SNTG1: variants seen among roughly 807,000 people sequenced by gnomAD.
The protein encoded by SNTG1 is syntrophin gamma 1, also known as gamma-1-syntrophin.
In SNTG1, 39 loss-of-function variants were observed where a neutral mutation model predicts 74.7. The observed-to-expected ratio is 0.52, with a 90% CI of 0.40 to 0.68. SNTG1 has a LOEUF of 0.68. Among genes scored for constraint, SNTG1 ranks in the 30% least tolerant of loss-of-function variants. SNTG1 has a pLI of 0.00. For missense variants in SNTG1, 685 were observed against 609.5 expected (o/e 1.12, Z -1.30); for synonymous variants, 254 against 217.1 (o/e 1.17, Z -1.49).
chr8:50,696,732 T>A (rs2095406606), intron 15 of SNTG1, among the ~76,000 whole-genome samples: 1 of 152,038 alleles, frequency 6.6e-6, no homozygotes, highest in South Asian at 2.1e-4. Context: ...TTTGACAAAG[T>A]TCACTTGGCT....
At chr8:50,488,816 T>C (rs1303995719) in intron 8 of SNTG1, among the ~76,000 whole-genome samples, 1 of 152,204 alleles carries the variant, frequency 6.6e-6, no homozygotes, top group Admixed American at 6.6e-5. Context: ...CTGGGATAAA[T>C]GTGCAGAACG....
intron 17 of SNTG1, among the ~76,000 whole-genome samples, chr8:50,732,641 T>G (rs2095515650): frequency 1.3e-5 from 2 of 151,920 alleles, no homozygotes. Flanking sequence ...TCAAATAATA[T>G]TAACATTTTA....
At chr8:50,233,727 G>T (rs1222020334) in intron 2 of SNTG1, among the ~76,000 whole-genome samples, 1 of 30,052 alleles carries the variant, frequency 3.3e-5, no homozygotes, top group Non-Finnish European at 2.0e-4. Context: ...CCACTAATTA[G>T]AAAATGGAAA....
chr8:50,117,880 A>T (rs1409185003), intron 1 of SNTG1, among the ~76,000 whole-genome samples: 1 of 152,058 alleles, frequency 6.6e-6, no homozygotes, highest in African/African-American at 2.4e-5. Context: ...TTTGCTTCAC[A>T]ATCTAATTAG....
At chr8:50,720,949 A>C (rs2095486306) in intron 17 of SNTG1, among the ~76,000 whole-genome samples, 1 of 152,186 alleles carries the variant, frequency 6.6e-6, no homozygotes. Context: ...TTTATATGTG[A>C]AAGTTGCTTC....
intron 1 of SNTG1, among the ~76,000 whole-genome samples, chr8:49,928,146 A>AATAG: frequency 2.0e-4 from 1 of 5,116 alleles, no homozygotes; most frequent in East Asian, 0.25. Context: ...CTCAAAAAAT[A>AATAG]ATAAATAAAT....
chr8:50,402,080 G>A (rs189976847), intron 3 of SNTG1, 130 bp from the exon 4 acceptor site: 2 of 842,708 alleles, frequency 2.4e-6, no homozygotes, highest in Admixed American at 3.4e-5. Context: ...TCAATTTCAG[G>A]CTCATCAGAG....
At chr8:50,703,621 C>T (rs912562886) in intron 15 of SNTG1, among the ~76,000 whole-genome samples, 1 of 152,026 alleles carries the variant, frequency 6.6e-6, no homozygotes, top group Non-Finnish European at 1.5e-5. Flanking sequence ...ACAGTAAATA[C>T]ATAAACCAGT....
intron 2 of SNTG1, among the ~76,000 whole-genome samples, chr8:50,267,192 T>C (rs2087525693): frequency 1.3e-5 from 2 of 152,120 alleles, no homozygotes; most frequent in African/African-American, 2.4e-5. Context: ...AAAGTTTAAA[T>C]GTATGAAGGT....
rs565561398 is a variant in SNTG1 at position 49,980,521 on chromosome 8, C to CAAAAAAAAAAA, written c.-103+68310_-103+68320dup. Among the ~76,000 whole-genome samples, 34 of 53,828 alleles carry CAAAAAAAAAAA rather than the reference C, an allele frequency of 6.3e-4. 4 individuals are homozygous for CAAAAAAAAAAA. Among genetic ancestry groups the CAAAAAAAAAAA allele is most frequent in the African/African-American group, 2.3e-3 (31 of 13,596 alleles). 35.3% of individuals were successfully genotyped at this position (53,828 alleles called of 152,430 possible). A position where few individuals can be genotyped will look rare whatever the true frequency, so the allele number is the denominator to read the frequency against. The stretch of plus-strand genomic sequence containing the variant: ...ACATCCCTTCCTGTAGACTCCTTCG[C>CAAAAAAAAAAA]AAAAAAAAAAAAAAAAAAAAAAAAA... On this transcript the variant is annotated intron_variant, in intron 1 of 18. Coordinates refer to ENST00000642720, the MANE Select transcript of SNTG1 (RefSeq NM_018967.5).
At chr8:50,372,569 A>C (rs1254842873) in intron 2 of SNTG1, among the ~76,000 whole-genome samples, 1 of 152,058 alleles carries the variant, frequency 6.6e-6, no homozygotes, top group African/African-American at 2.4e-5. Flanking sequence ...TAAGTCACAT[A>C]CTCAAGAGAT....
chr8:50,760,476 T>C (rs1201325351), intron 18 of SNTG1, among the ~76,000 whole-genome samples: 1 of 152,006 alleles, frequency 6.6e-6, no homozygotes, highest in East Asian at 1.9e-4. Context: ...GGTTGTGGGT[T>C]TGTCATAAAT....
In SNTG1 at chr8:49,915,357, C is replaced by T. The variant is rs969832055; in HGVS notation, c.-103+3126C>T. Among the ~76,000 whole-genome samples the T allele has an allele frequency of 2.6e-5, 4 of 152,142 alleles. No individual in the cohort carries two copies. The Middle Eastern group carries it at 0.01, about 388-fold the overall frequency. ...TAATTTCCAATAGCATTCATTCATTCGTCAAAAAAAATCCCACTAATTACT... is the reference window on the plus strand; with the variant it reads ...TAATTTCCAATAGCATTCATTCATTTGTCAAAAAAAATCCCACTAATTACT... On this transcript the variant is annotated intron_variant, in intron 1 of 18. Transcript: ENST00000642720.
At chr8:49,917,648 C>A (rs1489648013) in intron 1 of SNTG1, among the ~76,000 whole-genome samples, 6 of 152,152 alleles carry the variant, frequency 3.9e-5, no homozygotes, top group Non-Finnish European at 8.8e-5. Flanking sequence ...CCAGATAAAT[C>A]CCCCATGCTT....
rs770932161 is a variant in SNTG1, at chr8:50,536,707, G to A, written c.579G>A (p.Thr193=). The stretch of plus-strand genomic sequence containing the variant: ...CATTATCATGCTCGTCGTGGCCGAC[G>A]TCTCCAGGCTTGAGGTGGGAGAAGC... ...TDTLSCSSWP[T]SPGLRWEKRW... is the part of the protein sequence containing the mutation. The change falls in exon 11 of 19, where the codon ACG becomes ACA. Residue 193 remains threonine (T), a synonymous_variant. Transcript: ENST00000642720. The A allele has an allele frequency of 2.7e-5, 44 of 1,613,752 alleles. No homozygotes were observed. The highest frequency in any genetic ancestry group is 3.1e-5 in the Non-Finnish European group (37 of 1,179,814).
intron 2 of SNTG1, among the ~76,000 whole-genome samples, chr8:50,346,006 T>G (rs1024477374): frequency 6.6e-6 from 1 of 152,240 alleles, no homozygotes; most frequent in Admixed American, 6.5e-5. Flanking sequence ...ATATTTGATC[T>G]TCTTTCATTC....
In SNTG1 at chr8:50,647,894, T is replaced by A. The variant is rs987986144; in HGVS notation, c.850-9015T>A. On this transcript the variant is annotated intron_variant, in intron 13 of 18. Coordinates refer to ENST00000642720, the MANE Select transcript of SNTG1 (RefSeq NM_018967.5). ...ATGCCTGTAATTCCCATTTTTACATTTTTTTTTTAGAAATTAAGAGATACA... is the reference window on the plus strand; with the variant it reads ...ATGCCTGTAATTCCCATTTTTACATATTTTTTTTAGAAATTAAGAGATACA... 3.3e-5 allele frequency among the ~76,000 whole-genome samples: 5 copies of A among 149,994 alleles called. 1 individual carries two copies. Among genetic ancestry groups the A allele is most frequent in the African/African-American group, 1.2e-4 (5 of 41,112 alleles).
intron 13 of SNTG1, among the ~76,000 whole-genome samples, chr8:50,641,370 T>TC (rs199772038): frequency 0.013 from 1,953 of 152,290 alleles, 18 homozygotes; most frequent in Admixed American, 0.034. Flanking sequence ...TCTGCCCACT[T>TC]CCCTGCATCT....
At chr8:50,791,992 T>A (rs1438989572) in intron 18 of SNTG1, among the ~76,000 whole-genome samples, 1 of 151,796 alleles carries the variant, frequency 6.6e-6, no homozygotes, top group Admixed American at 6.6e-5. Flanking sequence ...TGGTTGCCAC[T>A]GGTAATAAAT....
Sources: gnomAD v4.1 joint callset for allele counts (sites outside exome capture counted in the v4.1 genomes callset) on GRCh38, gnomAD v4.1.1 for gene constraint, MANE v1.5 for transcripts, NCBI Gene and HGNC (gene_info 2026-07-23, HGNC 2026-07-21) for gene names.